Variants in TTI1 observed in about 807,000 individuals in gnomAD.
TTI1 encodes TELO2-interacting protein 1 homolog.
In TTI1, 52 loss-of-function variants were observed where a neutral mutation model predicts 85.4. The observed-to-expected ratio is 0.61, with a 90% CI of 0.49 to 0.77. The LOEUF is 0.77. Among genes scored for constraint, TTI1 ranks in the 30% least tolerant of loss-of-function variants. The probability of loss-of-function intolerance (pLI) is 0.00; values close to 1 mark genes in which losing one functional copy is unlikely to be tolerated. For missense variants in TTI1, 1,173 were observed against 1,296.0 expected (o/e 0.91, Z 1.46); for synonymous variants, 512 against 503.9 (o/e 1.02, Z -0.22).
intron 1 of TTI1, among the ~76,000 whole-genome samples, 194 bp downstream of exon 1, chr20:38,033,210 T>C (rs1387141324): frequency 6.6e-6 from 1 of 151,978 alleles, no homozygotes; most frequent in Admixed American, 6.5e-5. Flanking sequence ...GAACCAAAAC[T>C]AAGTGTTTTG....
chr20:38,011,585 G>A lies in TTI1; in HGVS notation c.2232C>T (p.Thr744=), dbSNP rs1486161332. ...CTCTCTTATCGTAAAATTGGTCCAG[G>A]GTGGCCAAGACATCTTGAACCACAT... The part of the protein sequence containing the change: ...VADVVQDVLA[T]LDQFYDKRAA... Residue 744 remains threonine (T), a synonymous_variant, in exon 2 of 8, where the codon ACC becomes ACT. Coordinates refer to ENST00000373447, the MANE Select transcript of TTI1 (RefSeq NM_001303457.2). 8.7e-6 allele frequency: 14 copies of A among 1,613,990 alleles called. No individual in the cohort carries two copies. The highest frequency in any genetic ancestry group is 1.2e-5 in the Non-Finnish European group (14 of 1,180,028).
intron 7 of TTI1, among the ~76,000 whole-genome samples, chr20:37,986,879 A>G (rs1342620087): frequency 1.3e-5 from 2 of 152,192 alleles, no homozygotes; most frequent in Non-Finnish European, 2.9e-5. Flanking sequence ...TTTCACTCAT[A>G]ATTTTCTCCA....
intron 7 of TTI1, among the ~76,000 whole-genome samples, chr20:37,990,261 C>T (rs556869837): frequency 3.3e-5 from 5 of 152,220 alleles, no homozygotes; most frequent in South Asian, 2.1e-4. Context: ...AAGTCATTTT[C>T]GGAATAAGAA....
chr20:38,025,098 G>A (rs1171241716), intron 1 of TTI1, among the ~76,000 whole-genome samples: 5 of 152,086 alleles, frequency 3.3e-5, no homozygotes, highest in East Asian at 1.9e-4. Flanking sequence ...GATGAGGTAC[G>A]GACCCCCTTC....
chr20:38,013,822 A>T lies in TTI1; in HGVS notation c.-6T>A, dbSNP rs1236647494. ...GGAGTATCAAAAACTGCCATTGTGCAGCAGCCTTCCCCTCATTGAGGAAAC... is the reference window on the plus strand; with the variant it reads ...GGAGTATCAAAAACTGCCATTGTGCTGCAGCCTTCCCCTCATTGAGGAAAC... On this transcript the variant is annotated 5_prime_UTR_variant, in exon 2 of 8. Transcript: ENST00000373447. 1 of 1,606,386 alleles carries T rather than the reference A, an allele frequency of 6.2e-7. No homozygotes were observed. Among genetic ancestry groups the T allele is most frequent in the Non-Finnish European group, 8.5e-7 (1 of 1,176,480 alleles).
At chr20:38,017,030 G>A (rs773948821) in intron 1 of TTI1, among the ~76,000 whole-genome samples, 15 of 152,158 alleles carry the variant, frequency 9.9e-5, no homozygotes, top group African/African-American at 2.4e-4. Flanking sequence ...CTAAACAGGT[G>A]GTGCTAGTTC....
intron 1 of TTI1, among the ~76,000 whole-genome samples, chr20:38,020,323 A>ATATATATATATATATAT (rs1555795789): frequency 4.6e-3 from 231 of 50,276 alleles, no homozygotes; most frequent in South Asian, 8.3e-3. Flanking sequence ...AAAAAAAAAA[A>ATATATATATATATATAT]ATATATATAT....
At chr20:38,030,196 A>G (rs188828614) in intron 1 of TTI1, among the ~76,000 whole-genome samples, 92 of 151,630 alleles carry the variant, frequency 6.1e-4, no homozygotes, top group African/African-American at 2.1e-3. Context: ...AAAACTCCAG[A>G]AAAAAAAGGA....
At chr20:38,001,566 T>C (rs2073425769) in intron 4 of TTI1, among the ~76,000 whole-genome samples, 1 of 152,214 alleles carries the variant, frequency 6.6e-6, no homozygotes, top group Admixed American at 6.5e-5. Flanking sequence ...AGATGAATGC[T>C]AAGAGCTGTC....
intron 7 of TTI1, among the ~76,000 whole-genome samples, chr20:37,989,840 A>T (rs2084484637): frequency 6.6e-6 from 1 of 152,150 alleles, no homozygotes; most frequent in South Asian, 2.1e-4. Flanking sequence ...GCCTCCACTC[A>T]CGGATGCCTT....
intron 7 of TTI1, among the ~76,000 whole-genome samples, chr20:37,985,273 A>G (rs2073174629): frequency 6.6e-6 from 1 of 152,164 alleles, no homozygotes; most frequent in Non-Finnish European, 1.5e-5. Context: ...TATCTATTTG[A>G]TAAATCACAT....
At chr20:38,023,752 T>G (rs1321289690) in intron 1 of TTI1, among the ~76,000 whole-genome samples, 1 of 152,254 alleles carries the variant, frequency 6.6e-6, no homozygotes, top group Non-Finnish European at 1.5e-5. Context: ...TTCAGCATAT[T>G]CTGAAGTTTT....
intron 1 of TTI1, among the ~76,000 whole-genome samples, chr20:38,017,545 C>T (rs1287279042): frequency 1.3e-5 from 2 of 151,996 alleles, no homozygotes; most frequent in African/African-American, 2.4e-5. Flanking sequence ...AACCACAATG[C>T]TTTCGATGGT....
At chr20:38,018,875 A>G (rs890667218) in intron 1 of TTI1, 1 of 152,024 alleles carries the variant, frequency 6.6e-6, no homozygotes, top group Non-Finnish European at 1.5e-5. Flanking sequence ...AAGGCTGGGC[A>G]TGGGTGGCTC....
In TTI1 at chr20:38,002,737, G is replaced by A. The variant is rs1168483622; in HGVS notation, c.2543C>T (p.Thr848Ile). The A allele has an allele frequency of 6.2e-7, 1 of 1,614,120 alleles. No homozygotes were observed. Among genetic ancestry groups the A allele is most frequent in the Non-Finnish European group, 8.5e-7 (1 of 1,180,050 alleles). ...SVPPKVDENDTRPDVEPPLPL... is the reference protein window; with the variant it reads ...SVPPKVDENDIRPDVEPPLPL... ...CAGTGGTGGCTCCACATCTGGACGG[G>A]TGTCATTCTCATCCACTTTGGGAGG... The change falls in exon 4 of 8, where the codon ACC becomes ATC. Residue 848 changes from threonine (T) to isoleucine (I), a missense_variant. By Grantham distance (89) the Thr-to-Ile change is moderately conservative. Transcript: ENST00000373447.
chr20:37,988,345 C>T (rs752060602), intron 7 of TTI1, among the ~76,000 whole-genome samples: 1 of 152,198 alleles, frequency 6.6e-6, no homozygotes, highest in Non-Finnish European at 1.5e-5. Flanking sequence ...CTCACCCCAC[C>T]CCACAATATG....
At chr20:38,022,958 AG>A (rs752313700) in intron 1 of TTI1, among the ~76,000 whole-genome samples, 8 of 152,194 alleles carry the variant, frequency 5.3e-5, no homozygotes, top group Admixed American at 1.3e-4. Flanking sequence ...CTTATGGATA[AG>A]AAAATCTCCA....
At chr20:38,020,320 AAAAATATATATATATATAT>A (rs2073747760) in intron 1 of TTI1, among the ~76,000 whole-genome samples, 1 of 80,300 alleles carries the variant, frequency 1.2e-5, no homozygotes, top group Admixed American at 1.3e-4. Context: ...GAAAAAAAAA[AAAAATATATATATATATAT>A]ATATATATAT....
chr20:37,985,245 C>T (rs1348500853), intron 7 of TTI1, among the ~76,000 whole-genome samples: 1 of 152,190 alleles, frequency 6.6e-6, no homozygotes, highest in Admixed American at 6.5e-5. Flanking sequence ...TCCCTATTTA[C>T]CAATTAACAG....
Sources: gnomAD v4.1 joint callset for allele counts (sites outside exome capture counted in the v4.1 genomes callset) on GRCh38, gnomAD v4.1.1 for gene constraint, MANE v1.5 for transcripts, NCBI Gene and HGNC (gene_info 2026-07-23, HGNC 2026-07-21) for gene names.